MEI4: variants seen among roughly 807,000 people sequenced by gnomAD.
MEI4 encodes meiotic double-stranded break formation protein 4, also known as meiosis-specific protein MEI4.
MEI4 carries 27 observed loss-of-function variants against 31.4 expected under a neutral mutation model. That is an observed-to-expected ratio of 0.86 (90% CI 0.63 to 1.19). MEI4 has a LOEUF of 1.19. Among genes scored for constraint, MEI4 ranks in the 50% most tolerant of loss-of-function variants. MEI4 has a pLI of 0.00. For synonymous variants in MEI4, 122 were observed against 145.4 expected, an observed-to-expected ratio of 0.84 and a Z score of 1.16; for missense variants, 329 against 398.9, an observed-to-expected ratio of 0.82 and a Z score of 1.49.
chr6:77,798,620 C>T (rs1036987405), intron 3 of MEI4, among the ~76,000 whole-genome samples: 1 of 149,994 alleles, frequency 6.7e-6, no homozygotes, highest in African/African-American at 2.4e-5. Flanking sequence ...TTAGGTATAT[C>T]TCCTAAAGCT....
intron 4 of MEI4, among the ~76,000 whole-genome samples, chr6:77,835,345 A>G (rs897565955): frequency 6.8e-6 from 1 of 148,146 alleles, no homozygotes; most frequent in East Asian, 2.0e-4. Flanking sequence ...GGGCAACAAG[A>G]GTGAAACTCC....
chr6:77,855,991 A>T (rs1363800902), intron 4 of MEI4, among the ~76,000 whole-genome samples: 1 of 152,176 alleles, frequency 6.6e-6, no homozygotes, highest in Admixed American at 6.5e-5. Flanking sequence ...CTGTCAATAC[A>T]TTAAAAAAAT....
intron 4 of MEI4, among the ~76,000 whole-genome samples, chr6:77,880,893 A>G (rs1366243816): frequency 6.6e-6 from 1 of 152,156 alleles, no homozygotes; most frequent in East Asian, 1.9e-4. Flanking sequence ...ATCTAAAAAA[A>G]AAAAATTAGG....
rs889658682 is a variant in MEI4 at position 77,732,103 on chromosome 6, C to A, written c.233-29027C>A. Among the ~76,000 whole-genome samples, 328 of 150,966 alleles carry A rather than the reference C, an allele frequency of 2.2e-3. 5 individuals are homozygous for A. Among genetic ancestry groups the A allele is most frequent in the African/African-American group, 7.3e-3 (296 of 40,676 alleles). On this transcript the variant is annotated intron_variant, in intron 2 of 4. Transcript: ENST00000684080. ...TTCTTTTGACTTAGGATTGACTTGG[C>A]GATGCGGGCTCTTTTTTGGTTCCAT...
intron 1 of MEI4, among the ~76,000 whole-genome samples, chr6:77,688,918 T>G (rs1020533337): frequency 6.6e-6 from 1 of 151,902 alleles, no homozygotes; most frequent in Non-Finnish European, 1.5e-5. Flanking sequence ...GGGAGTGAAA[T>G]GGTTGTTGAG....
intron 1 of MEI4, among the ~76,000 whole-genome samples, chr6:77,689,919 G>A (rs1238441597): frequency 6.6e-6 from 1 of 151,952 alleles, no homozygotes; most frequent in African/African-American, 2.4e-5. Context: ...TCTTATACTT[G>A]AGTAGGGATG....
chr6:77,652,976 A>G (rs1215781081), upstream of MEI4, among the ~76,000 whole-genome samples: 2 of 152,214 alleles, frequency 1.3e-5, no homozygotes, highest in African/African-American at 2.4e-5. Flanking sequence ...TTTCAAGAAT[A>G]GAATGTTTAA....
intron 1 of MEI4, among the ~76,000 whole-genome samples, chr6:77,659,798 G>A (rs958991248): frequency 2.0e-5 from 3 of 152,246 alleles, no homozygotes; most frequent in South Asian, 2.1e-4. Flanking sequence ...GTTGGGCTTC[G>A]GAGATGAAGA....
At chr6:77,713,802 A>G (rs1766518870) in intron 2 of MEI4, among the ~76,000 whole-genome samples, 1 of 152,104 alleles carries the variant, frequency 6.6e-6, no homozygotes, top group Non-Finnish European at 1.5e-5. Context: ...TTCCCCTTCC[A>G]CAATGAGCTT....
intron 4 of MEI4, among the ~76,000 whole-genome samples, chr6:77,852,944 A>G (rs973903497): frequency 6.6e-6 from 1 of 152,172 alleles, no homozygotes; most frequent in Non-Finnish European, 1.5e-5. Context: ...CACCTGTGTA[A>G]TCCCAGCACT....
At chr6:77,832,642 A>T (rs868470041) in intron 4 of MEI4, among the ~76,000 whole-genome samples, 9 of 152,088 alleles carry the variant, frequency 5.9e-5, no homozygotes, top group African/African-American at 1.9e-4. Context: ...CCATTTTACA[A>T]AAGAGGGCGA....
chr6:77,786,034 G>A (rs1768726927), intron 3 of MEI4, among the ~76,000 whole-genome samples: 1 of 152,076 alleles, frequency 6.6e-6, no homozygotes. Context: ...CACAGTCTCT[G>A]AGTTCACATT....
rs2084866988 is a variant in MEI4, at chr6:77,659,195, A to C, written c.-15+6103A>C. On this transcript the variant is annotated intron_variant, in intron 1 of 4. Coordinates refer to ENST00000684080, the MANE Select transcript of MEI4 (RefSeq NM_001322247.2). ...GCAGAAAGTCCTAAACCGACCATCA[A>C]GGGAATTAGTGGAATAACTCTTTTT... 3.3e-5 allele frequency among the ~76,000 whole-genome samples: 5 copies of C among 152,244 alleles called. No individual in the cohort carries two copies. The South Asian group carries it at 1.0e-3, about 32-fold the overall frequency.
chr6:77,664,786 C>T (rs1034837316), intron 1 of MEI4, among the ~76,000 whole-genome samples: 1 of 152,016 alleles, frequency 6.6e-6, no homozygotes, highest in African/African-American at 2.4e-5. Flanking sequence ...CACCTCAGAC[C>T]GTTTGCCTTT....
chr6:77,815,659 G>A (rs1769671935), intron 3 of MEI4, among the ~76,000 whole-genome samples: 1 of 152,194 alleles, frequency 6.6e-6, no homozygotes, highest in South Asian at 2.1e-4. Context: ...TTAGATACTA[G>A]GTAAAGTCTG....
chr6:77,789,521 A>C (rs1397604966), intron 3 of MEI4, among the ~76,000 whole-genome samples: 1 of 152,222 alleles, frequency 6.6e-6, no homozygotes, highest in Non-Finnish European at 1.5e-5. Context: ...CAAAGGGCTA[A>C]TATCCAGAAT....
In MEI4 at chr6:77,732,763, T is replaced by G. The variant is rs575257013; in HGVS notation, c.233-28367T>G. Among the ~76,000 whole-genome samples, 7 of 151,818 alleles carry G rather than the reference T, an allele frequency of 4.6e-5. No individual in the cohort carries two copies. In the South Asian group the frequency reaches 6.2e-4, roughly 13 times the overall value. On this transcript the variant is annotated intron_variant, in intron 2 of 4. Transcript: ENST00000684080. The stretch of plus-strand genomic sequence containing the variant: ...CATTCAGTATGATATTGGCTGTGGG[T>G]TTGCCATAGATAGCTCTTATTATTT...
At chr6:77,698,076 C>G (rs1304549858) in intron 2 of MEI4, among the ~76,000 whole-genome samples, 2 of 152,100 alleles carry the variant, frequency 1.3e-5, no homozygotes, top group Non-Finnish European at 2.9e-5. Flanking sequence ...TTATCAGAGA[C>G]TAGGATTGCA....
At chr6:77,914,711 C>G (rs12197063) in intron 4 of MEI4, among the ~76,000 whole-genome samples, 1 of 151,848 alleles carries the variant, frequency 6.6e-6, no homozygotes, top group South Asian at 2.1e-4. Context: ...TAACCTATCT[C>G]TCCCCTTAGA....
Sources: gnomAD v4.1 joint callset for allele counts (sites outside exome capture counted in the v4.1 genomes callset) on GRCh38, gnomAD v4.1.1 for gene constraint, MANE v1.5 for transcripts, NCBI Gene and HGNC (gene_info 2026-07-23, HGNC 2026-07-21) for gene names.